The following UTP20 variants were observed in gnomAD, a reference collection of about 807,000 sequenced individuals.
UTP20 encodes small subunit processome component 20 homolog.
UTP20 carries 164 observed loss-of-function variants against 329.5 expected under a neutral mutation model. The observed-to-expected ratio is 0.50, with a 90% confidence interval of 0.44 to 0.57. The LOEUF is 0.57. Among genes scored for constraint, UTP20 ranks in the 20% least tolerant of loss-of-function variants. The pLI is 0.00. For missense variants in UTP20, 3,055 were observed against 3,284.2 expected, an observed-to-expected ratio of 0.93 and a Z score of 1.71; for synonymous variants, 1,151 against 1,159.3, an observed-to-expected ratio of 0.99 and a Z score of 0.14.
intron 8 of UTP20, 121 bp from the exon 9 acceptor site, chr12:101,291,621 T>C: frequency 2.0e-6 from 2 of 988,778 alleles, no homozygotes. Context: ...TCCTGGTAAA[T>C]GTATCTTTTT....
intron 2 of UTP20, among the ~76,000 whole-genome samples, chr12:101,284,874 A>G (rs1254795556): frequency 6.6e-6 from 1 of 151,842 alleles, no homozygotes; most frequent in Non-Finnish European, 1.5e-5. Flanking sequence ...AGGGTTTTTT[A>G]TTTTTGTTTT....
intron 29 of UTP20, 29 bp from the exon 30 acceptor site, chr12:101,338,022 G>A: frequency 6.3e-7 from 1 of 1,599,990 alleles, no homozygotes; most frequent in Non-Finnish European, 8.6e-7. Flanking sequence ...TTGAGAATAA[G>A]ATGATTACTA....
intron 5 of UTP20, 89 bp downstream of exon 5, chr12:101,286,598 A>AGT: frequency 9.1e-7 from 1 of 1,099,534 alleles, no homozygotes; most frequent in Non-Finnish European, 1.2e-6. Flanking sequence ...TTGCCAGCTC[A>AGT]GTGCCTAATT....
At chr12:101,342,638 A>G (rs977096940) in intron 33 of UTP20, 49 bp downstream of exon 33, 2 of 1,571,206 alleles carry the variant, frequency 1.3e-6, no homozygotes, top group Non-Finnish European at 1.7e-6. Flanking sequence ...AAAAAATGTA[A>G]TTATGACTTG....
chr12:101,291,457 T>A, intron 8 of UTP20: 1 of 190,958 alleles, frequency 5.2e-6, no homozygotes, highest in Non-Finnish European at 1.1e-5. Context: ...GGAGAATCGC[T>A]TGAACCTGGG....
Position 101,320,291 on chromosome 12 carries a change from C to T in UTP20, c.2830-561C>T, listed in dbSNP as rs377027788. Reference sequence around the variant, plus strand: ...CCTCACCAGGCTGCACACAGTAGCTCACGCCTGTAATCCTAGCACTTTGGG... The same window carrying T: ...CCTCACCAGGCTGCACACAGTAGCTTACGCCTGTAATCCTAGCACTTTGGG... On this transcript the variant is annotated intron_variant, in intron 23 of 61. Transcript: ENST00000261637. Among the ~76,000 whole-genome samples the T allele has an allele frequency of 3.3e-4, 51 of 152,260 alleles. 1 individual carries two copies. In the South Asian group the frequency reaches 3.9e-3, roughly 12 times the overall value.
chr12:101,343,123 A>T, intron 35 of UTP20, 30 bp downstream of exon 35: 1 of 1,515,928 alleles, frequency 6.6e-7, no homozygotes, highest in East Asian at 2.4e-5. Context: ...TTTTTAAATT[A>T]TTTTTTATTG....
intron 14 of UTP20, among the ~76,000 whole-genome samples, chr12:101,301,780 A>G (rs991899067): frequency 6.6e-6 from 1 of 152,226 alleles, no homozygotes; most frequent in African/African-American, 2.4e-5. Context: ...TTTTATACCA[A>G]GATAATTTCT....
rs777156212 is a variant in UTP20 at position 101,340,627 on chromosome 12, C to G, written c.4101+17C>G. On this transcript the variant is annotated intron_variant, in intron 32 of 61. Transcript: ENST00000261637. ...ATTGCTGAGGTACAAACTCATAGGA[C>G]ACTTAACTTTGTCTCTAGAGTGGCA... is the stretch of plus-strand genomic sequence containing the variant. 2 of 1,550,202 alleles carry G rather than the reference C, an allele frequency of 1.3e-6. No homozygotes were observed. The highest frequency in any genetic ancestry group is 3.4e-5 in the Admixed American group (2 of 58,272).
In UTP20 at chr12:101,354,882, C is replaced by T. The variant is rs1196699046; in HGVS notation, c.5158C>T (p.Arg1720Cys). Residue 1720 changes from arginine (R) to cysteine (C), a missense_variant, in exon 41 of 62, where the codon CGT (arginine) becomes TGT (cysteine). Coordinates refer to ENST00000261637, the MANE Select transcript of UTP20 (RefSeq NM_014503.3). The stretch of plus-strand genomic sequence containing the variant: ...AGAGCCTGAGGCCATGGAATTAGAG[C>T]GTGTGGATGAGGAAGAGAAGGAATA... Reference protein sequence around the residue: ...LPEPEAMELERVDEEEKEYTC... With the variant: ...LPEPEAMELECVDEEEKEYTC... 15 of 1,613,944 alleles carry T rather than the reference C, an allele frequency of 9.3e-6. No homozygotes were observed. The highest frequency in any genetic ancestry group is 2.2e-5 in the South Asian group (2 of 91,074).
At chr12:101,377,339 CT>C (rs1025321671) in intron 56 of UTP20, among the ~76,000 whole-genome samples, 4 of 149,624 alleles carry the variant, frequency 2.7e-5, no homozygotes, top group South Asian at 2.1e-4. Flanking sequence ...CATTATAAAA[CT>C]TTTTTTTTTG....
At chr12:101,351,686 T>C (rs964552840) in intron 38 of UTP20, among the ~76,000 whole-genome samples, 1 of 152,022 alleles carries the variant, frequency 6.6e-6, no homozygotes, top group African/African-American at 2.4e-5. Flanking sequence ...TCCGATGATC[T>C]CCCTCCCCTC....
intron 56 of UTP20, among the ~76,000 whole-genome samples, chr12:101,377,358 G>T (rs962208609): frequency 6.6e-6 from 1 of 151,846 alleles, no homozygotes; most frequent in Non-Finnish European, 1.5e-5. Context: ...TTGAGATGGA[G>T]TCTCACTCTG....
chr12:101,281,201 G>A lies in UTP20; in HGVS notation c.126+5G>A, dbSNP rs1871786345. On this transcript the variant is annotated splice_donor_5th_base_variant and intron_variant, in intron 2 of 61. Transcript: ENST00000261637. ...AGAACTGCAAGCTATGAGGAGGTAA[G>A]AGAATGTGATACTAGTCAATCTTCA... is the stretch of plus-strand genomic sequence containing the variant. 3 of 1,608,894 alleles carry A rather than the reference G, an allele frequency of 1.9e-6. No homozygotes were observed. Among genetic ancestry groups the A allele is most frequent in the Non-Finnish European group, 2.6e-6 (3 of 1,175,532 alleles).
intron 12 of UTP20, among the ~76,000 whole-genome samples, chr12:101,296,879 A>G: frequency 6.6e-6 from 1 of 152,252 alleles, no homozygotes; most frequent in East Asian, 1.9e-4. Flanking sequence ...AACAAAGCTT[A>G]TTTACATACA....
chr12:101,294,047 T>C (rs979592542), intron 11 of UTP20, among the ~76,000 whole-genome samples: 4 of 152,168 alleles, frequency 2.6e-5, no homozygotes, highest in African/African-American at 7.2e-5. Context: ...TTTCTTCTTT[T>C]TTTTTAGAGA....
intron 1 of UTP20, among the ~76,000 whole-genome samples, chr12:101,280,860 C>T (rs963537491): frequency 6.6e-6 from 1 of 152,218 alleles, no homozygotes; most frequent in Non-Finnish European, 1.5e-5. Flanking sequence ...TAATTGCCAG[C>T]ATCCACCTAG....
chr12:101,319,812 G>A (rs1350351), intron 23 of UTP20, among the ~76,000 whole-genome samples, 177 bp downstream of exon 23: 85,440 of 151,676 alleles, frequency 0.56, 26,941 homozygotes, highest in East Asian at 0.94. Context: ...TTGAGAAACA[G>A]TTTTAGCACT....
At chr12:101,317,746 C>A in intron 22 of UTP20, 83 bp downstream of exon 22, 2 of 1,340,776 alleles carry the variant, frequency 1.5e-6, no homozygotes, top group South Asian at 1.6e-5. Flanking sequence ...TATACAAAAT[C>A]AACTACTCAG....
Sources: allele counts gnomAD v4.1 joint callset (sites outside exome capture counted in the v4.1 genomes callset), GRCh38; gene constraint gnomAD v4.1.1; transcripts MANE v1.5; gene names NCBI Gene and HGNC (gene_info 2026-07-23, HGNC 2026-07-21).